The following UBE2D3 variants were observed in gnomAD, a reference collection of about 807,000 sequenced individuals.
UBE2D3 encodes ubiquitin-conjugating enzyme E2 D3.
In UBE2D3, 2 loss-of-function variants were observed where a neutral mutation model predicts 22.8. The observed-to-expected ratio is 0.09, with a 90% CI of 0.04 to 0.28. The LOEUF (loss-of-function observed/expected upper bound fraction) is 0.28, where lower values mean the gene tolerates loss of function less well. Ranked by LOEUF, UBE2D3 falls within the 10% of genes least tolerant of loss-of-function variation. The pLI, the probability that UBE2D3 is intolerant of heterozygous loss-of-function variation, is 1.00. For missense variants in UBE2D3, 27 were observed against 182.5 expected (o/e 0.15, Z 4.91); for synonymous variants, 56 against 60.4 (o/e 0.93, Z 0.34).
At chr4:102,852,361 A>G (rs1019747698) in intron 1 of UBE2D3, among the ~76,000 whole-genome samples, 1 of 152,248 alleles carries the variant, frequency 6.6e-6, no homozygotes, top group Non-Finnish European at 1.5e-5. Flanking sequence ...CCTGAGAGCA[A>G]GCAAACCTAT....
Position 102,801,403 on chromosome 4 carries a change from A to C in UBE2D3, c.304+51T>G, listed in dbSNP as rs1375333245. 2.7e-6 allele frequency: 4 copies of C among 1,477,168 alleles called. No individual in the cohort carries two copies. In the East Asian group the frequency reaches 9.2e-5, roughly 34 times the overall value. 91.5% of individuals were successfully genotyped at this position (1,477,168 alleles called of 1,614,324 possible). A position where few individuals can be genotyped will look rare whatever the true frequency, so the allele number is the denominator to read the frequency against. On this transcript the variant is annotated intron_variant, in intron 6 of 7. Transcript: ENST00000453744. Reference sequence around the variant, plus strand: ...AATACTCAGATAAGTAGATCTAAGAATGAAGCTTTATTAGACAATGAGAAC... The same window carrying C: ...AATACTCAGATAAGTAGATCTAAGACTGAAGCTTTATTAGACAATGAGAAC...
intron 2 of UBE2D3, chr4:102,825,572 C>T (rs1730323425): frequency 1.7e-6 from 2 of 1,197,944 alleles, no homozygotes; most frequent in Admixed American, 6.7e-5. Flanking sequence ...GAAAATGAGA[C>T]TAAACCACCG....
chr4:102,819,267 T>C (rs1382224755), intron 2 of UBE2D3, among the ~76,000 whole-genome samples: 3 of 151,582 alleles, frequency 2.0e-5, no homozygotes, highest in African/African-American at 7.3e-5. Flanking sequence ...GAGACGGTGG[T>C]TGCAGTAAGC....
At chr4:102,838,807 C>CAAAAAAAAAA (rs145975514) in intron 1 of UBE2D3, among the ~76,000 whole-genome samples, 1 of 54,312 alleles carries the variant, frequency 1.8e-5, no homozygotes, top group African/African-American at 7.3e-5. Context: ...CTGTGCTGGG[C>CAAAAAAAAAA]AAAAAAAAAA....
At chr4:102,808,819 A>G (rs1156684725) in intron 4 of UBE2D3, among the ~76,000 whole-genome samples, 2 of 152,170 alleles carry the variant, frequency 1.3e-5, no homozygotes, top group Non-Finnish European at 2.9e-5. Context: ...AGAATTACTA[A>G]ATAAATACTT....
intron 1 of UBE2D3, among the ~76,000 whole-genome samples, chr4:102,856,005 A>C (rs1487714692): frequency 6.6e-6 from 1 of 152,212 alleles, no homozygotes; most frequent in African/African-American, 2.4e-5. Context: ...GGCTGGTAAT[A>C]TGTGAAGAGT....
intron 2 of UBE2D3, among the ~76,000 whole-genome samples, chr4:102,815,762 A>G (rs1326160993): frequency 6.6e-6 from 1 of 152,222 alleles, no homozygotes; most frequent in Non-Finnish European, 1.5e-5. Flanking sequence ...TCTCTTTAGT[A>G]ATAATCAAAG....
At chr4:102,836,539 T>C (rs1731417061) in intron 1 of UBE2D3, among the ~76,000 whole-genome samples, 2 of 152,198 alleles carry the variant, frequency 1.3e-5, no homozygotes, top group African/African-American at 4.8e-5. Flanking sequence ...CTTGAGTAAG[T>C]AGCTTAGGAG....
upstream of UBE2D3, among the ~76,000 whole-genome samples, chr4:102,829,290 C>T (rs1405734609): frequency 6.6e-6 from 1 of 152,168 alleles, no homozygotes; most frequent in Non-Finnish European, 1.5e-5. Flanking sequence ...ACCTCATGGC[C>T]TAACTGCTCA....
At chr4:102,822,820 C>T (rs1012036748) in intron 2 of UBE2D3, among the ~76,000 whole-genome samples, 1 of 81,248 alleles carries the variant, frequency 1.2e-5, no homozygotes, top group Non-Finnish European at 2.4e-5. Context: ...CCTGTAGTCC[C>T]AGCTACTCAG....
At chr4:102,868,251 G>A (rs1733263555) in intron 1 of UBE2D3, among the ~76,000 whole-genome samples, 1 of 150,376 alleles carries the variant, frequency 6.6e-6, no homozygotes, top group African/African-American at 2.5e-5. Flanking sequence ...TCTATTTTTA[G>A]TAGAGACGGG....
chr4:102,827,776 G>A (rs1233516694), upstream of UBE2D3: 5 of 986,306 alleles, frequency 5.1e-6, no homozygotes, highest in Non-Finnish European at 6.0e-6. Flanking sequence ...GGAGGGCGGG[G>A]GAGGGAGGAG....
intron 4 of UBE2D3, among the ~76,000 whole-genome samples, chr4:102,805,027 G>T (rs1259047717): frequency 1.3e-5 from 2 of 152,072 alleles, no homozygotes; most frequent in East Asian, 1.9e-4. Flanking sequence ...GAAGTTCTTT[G>T]TAAGCTTTCA....
chr4:102,862,990 TGA>T (rs1732968470), intron 1 of UBE2D3, among the ~76,000 whole-genome samples: 1 of 151,988 alleles, frequency 6.6e-6, no homozygotes, highest in Non-Finnish European at 1.5e-5. Context: ...GTTCACATGG[TGA>T]GAGAGAAAGG....
chr4:102,829,130 T>A (rs535258316), upstream of UBE2D3, among the ~76,000 whole-genome samples: 5 of 152,332 alleles, frequency 3.3e-5, 1 homozygote, highest in South Asian at 1.0e-3. Flanking sequence ...CTAGTGTCCA[T>A]AGGAACCACC....
intron 4 of UBE2D3, among the ~76,000 whole-genome samples, chr4:102,803,708 GAAGA>G (rs1386704681): frequency 3.3e-5 from 5 of 152,190 alleles, no homozygotes; most frequent in Admixed American, 3.3e-4. Context: ...CGAGTTCAAA[GAAGA>G]AAGGTCAATT....
At chr4:102,833,595 C>G (rs751788044) in intron 1 of UBE2D3, among the ~76,000 whole-genome samples, 30 of 152,252 alleles carry the variant, frequency 2.0e-4, no homozygotes, top group African/African-American at 6.3e-4. Flanking sequence ...TATAACAATC[C>G]TTTTGTCACA....
intron 4 of UBE2D3, chr4:102,809,440 T>TA (rs1269898299): frequency 1.9e-6 from 1 of 516,540 alleles, no homozygotes; most frequent in Non-Finnish European, 3.5e-6. Context: ...AGATGTTTGG[T>TA]AGGTCATAGA....
chr4:102,867,738 G>A (rs1238750233), intron 1 of UBE2D3, among the ~76,000 whole-genome samples: 1 of 151,998 alleles, frequency 6.6e-6, no homozygotes, highest in East Asian at 1.9e-4. Flanking sequence ...TAGAGTCTGC[G>A]GTGAGCTATG....
Sources: gnomAD v4.1 joint callset for allele counts (sites outside exome capture counted in the v4.1 genomes callset) on GRCh38, gnomAD v4.1.1 for gene constraint, MANE v1.5 for transcripts, NCBI Gene and HGNC (gene_info 2026-07-23, HGNC 2026-07-21) for gene names.